Variants in NCKAP1 observed in about 807,000 individuals in gnomAD.
The protein encoded by NCKAP1 is nck-associated protein 1.
A neutral mutation model predicts 151.2 loss-of-function variants in NCKAP1; 21 were observed. The ratio of observed to expected loss-of-function variants is 0.14; its 90% CI spans 0.10 to 0.20. The LOEUF is 0.20. Ranked by LOEUF, NCKAP1 falls within the 10% of genes least tolerant of loss-of-function variation. The probability of loss-of-function intolerance (pLI) is 1.00; values close to 1 mark genes in which losing one functional copy is unlikely to be tolerated. For missense variants in NCKAP1, 933 were observed against 1,352.1 expected (o/e 0.69, Z 4.86); for synonymous variants, 484 against 451.8 (o/e 1.07, Z -0.90).
chr2:182,973,575 C>T (rs1697743590), intron 15 of NCKAP1, among the ~76,000 whole-genome samples: 1 of 152,098 alleles, frequency 6.6e-6, no homozygotes, highest in Non-Finnish European at 1.5e-5. Flanking sequence ...CCAGTGAAGG[C>T]ACAAAGTACA....
At chr2:182,985,824 T>C (rs1350417142) in intron 10 of NCKAP1, among the ~76,000 whole-genome samples, 1 of 146,876 alleles carries the variant, frequency 6.8e-6, no homozygotes, top group Non-Finnish European at 1.5e-5. Flanking sequence ...AAAAAGTAAA[T>C]ATTATCTGTA....
chr2:183,006,940 C>T (rs1377163065), intron 2 of NCKAP1, among the ~76,000 whole-genome samples: 4 of 152,006 alleles, frequency 2.6e-5, no homozygotes, highest in Non-Finnish European at 2.9e-5. Context: ...GGTGTGATGT[C>T]GGCTCACTGC....
At chr2:182,967,167 T>A (rs753218858) in intron 16 of NCKAP1, 49 bp downstream of exon 16, 3 of 1,516,160 alleles carry the variant, frequency 2.0e-6, no homozygotes, top group Non-Finnish European at 1.8e-6. Context: ...GAAACATATA[T>A]CGCATACTAA....
chr2:182,936,721 A>G (rs551053912), intron 24 of NCKAP1, among the ~76,000 whole-genome samples: 2 of 152,320 alleles, frequency 1.3e-5, no homozygotes, highest in East Asian at 3.9e-4. Flanking sequence ...TCATGTTAAC[A>G]AAATGATATA....
chr2:182,982,722 A>G, intron 12 of NCKAP1, 99 bp downstream of exon 12: 2 of 755,000 alleles, frequency 2.6e-6, no homozygotes, highest in Non-Finnish European at 4.2e-6. Flanking sequence ...CAACTTAACA[A>G]TATTTTCAAC....
At chr2:183,013,090 GTAGCAATAC>G (rs1033594956) in intron 2 of NCKAP1, among the ~76,000 whole-genome samples, 2 of 152,002 alleles carry the variant, frequency 1.3e-5, no homozygotes, top group Non-Finnish European at 2.9e-5. Flanking sequence ...CCACAACTGA[GTAGCAATAC>G]TACTCAAACT....
At position 182,917,015 on chromosome 2, in the gene NCKAP1, T is replaced by C. The variant is rs1241119648; in HGVS notation, c.*8687A>G. 1.3e-5 allele frequency: 2 copies of C among 152,198 alleles called. No homozygotes were observed. Among genetic ancestry groups the C allele is most frequent in the African/African-American group, 4.8e-5 (2 of 41,452 alleles). The allele number at this position is 152,198 out of a possible 1,614,324, so 9.4% of individuals were successfully genotyped here. On this transcript the variant is annotated 3_prime_UTR_variant, in exon 31 of 31. Transcript: ENST00000361354. ...AACTCTTTGAAGGCAATTTTATAAG[T>C]GAAACCAAATAGCCTAATAATACTG...
At chr2:182,964,973 C>A (rs542109290) in intron 16 of NCKAP1, among the ~76,000 whole-genome samples, 165 bp from the exon 17 acceptor site, 23 of 152,076 alleles carry the variant, frequency 1.5e-4, no homozygotes, top group African/African-American at 4.1e-4. Flanking sequence ...CAATAATTAT[C>A]CCAGAGTAAT....
At chr2:182,984,893 T>C (rs999963086) in intron 10 of NCKAP1, among the ~76,000 whole-genome samples, 6 of 152,174 alleles carry the variant, frequency 3.9e-5, no homozygotes, top group African/African-American at 1.4e-4. Context: ...TTATATTTTA[T>C]TTAATAAACA....
At chr2:182,984,902 CAGA>C (rs1305871953) in intron 10 of NCKAP1, among the ~76,000 whole-genome samples, 2 of 151,974 alleles carry the variant, frequency 1.3e-5, no homozygotes, top group African/African-American at 2.4e-5. Context: ...ATTTAATAAA[CAGA>C]AGGAGGAAAA....
rs984252600 is a variant in NCKAP1 at position 182,984,423 on chromosome 2, G to GGGTGTGTGTGTGTGTGTGTGTGTGTGTGT, written c.1005-1042_1005-1041insACACACACACACACACACACACACACACC. On this transcript the variant is annotated intron_variant, in intron 10 of 30. Coordinates refer to ENST00000361354, the MANE Select transcript of NCKAP1 (RefSeq NM_013436.5). ...AAGAAAGTTTTAGAATTTAGATTGGGGTGTGTGTGTGTGTGTGTGTGTGTG... is the reference window on the plus strand; with the variant it reads ...AAGAAAGTTTTAGAATTTAGATTGGGGGTGTGTGTGTGTGTGTGTGTGTGTGTGTGTGTGTGTGTGTGTGTGTGTGTGTG... 6.4e-4 allele frequency among the ~76,000 whole-genome samples: 92 copies of GGGTGTGTGTGTGTGTGTGTGTGTGTGTGT among 144,394 alleles called. 1 individual carries two copies. The highest frequency in any genetic ancestry group is 1.2e-3 in the Non-Finnish European group (77 of 64,146). The allele number at this position is 144,394 out of a possible 152,430, so 94.7% of individuals were successfully genotyped here.
At chr2:182,943,724 T>C (rs931062145) in intron 23 of NCKAP1, among the ~76,000 whole-genome samples, 1 of 152,150 alleles carries the variant, frequency 6.6e-6, no homozygotes, top group African/African-American at 2.4e-5. Context: ...TAAGAGCAAT[T>C]ATAACCATTT....
rs926938026 is a variant in NCKAP1 at position 182,928,974 on chromosome 2, C to A, written c.2954-75G>T. ...TTAAGATTTGATAATCTAAACTAAA[C>A]AGATTTTTATTTTAAAAATGGTTTA... On this transcript the variant is annotated intron_variant, in intron 27 of 30. Coordinates refer to ENST00000361354, the MANE Select transcript of NCKAP1 (RefSeq NM_013436.5). 18 of 911,592 alleles carry A rather than the reference C, an allele frequency of 2.0e-5. No individual in the cohort carries two copies. The African/African-American group carries it at 2.1e-4, about 11-fold the overall frequency. 56.5% of individuals were successfully genotyped at this position (911,592 alleles called of 1,614,324 possible).
In NCKAP1 at chr2:182,909,505, AT is replaced by A. The variant is rs1345275696; in HGVS notation, c.*16196del. The A allele has an allele frequency of 5.3e-5, 8 of 152,208 alleles. No homozygotes were observed. The highest frequency in any genetic ancestry group is 7.4e-5 in the Non-Finnish European group (5 of 68,024). 9.4% of individuals were successfully genotyped at this position (152,208 alleles called of 1,614,324 possible). On this transcript the variant is annotated 3_prime_UTR_variant, in exon 31 of 31. Transcript: ENST00000361354. ...AGCATAATTAATGTCTTCAAGGTTC[AT>A]TCATATTGTCTCATGTGTCAAAATT... is the stretch of plus-strand genomic sequence containing the variant.
chr2:183,015,305 C>G (rs1698662474), intron 2 of NCKAP1, among the ~76,000 whole-genome samples: 1 of 152,102 alleles, frequency 6.6e-6, no homozygotes, highest in Non-Finnish European at 1.5e-5. Flanking sequence ...CATTCACACA[C>G]AAATTCTATA....
Position 182,990,191 on chromosome 2 carries a change from G to T in NCKAP1, c.791-1005C>A, listed in dbSNP as rs76769979. Among the ~76,000 whole-genome samples the T allele has an allele frequency of 8.4e-3, 1,279 of 151,780 alleles. 18 individuals carry two copies. The highest frequency in any genetic ancestry group is 0.029 in the African/African-American group (1,214 of 41,416). On this transcript the variant is annotated intron_variant, in intron 8 of 30. Transcript: ENST00000361354. ...TCCTGTGTAGTAGACAAGACAGGTG[G>T]TATTCTTTCTTTTTTTTTCTCTTTT...
chr2:182,950,150 G>A (rs1697185699), intron 23 of NCKAP1, among the ~76,000 whole-genome samples: 1 of 152,156 alleles, frequency 6.6e-6, no homozygotes, highest in Admixed American at 6.5e-5. Context: ...GGCCAGCCAT[G>A]CTAGAAAAGT....
At chr2:182,997,560 C>T (rs764439654) in intron 6 of NCKAP1, among the ~76,000 whole-genome samples, 1 of 152,162 alleles carries the variant, frequency 6.6e-6, no homozygotes, top group Non-Finnish European at 1.5e-5. Context: ...GAGAATTCCT[C>T]TTGGTATTGA....
chr2:182,971,068 T>C (rs1285071852), intron 15 of NCKAP1, among the ~76,000 whole-genome samples: 1 of 151,496 alleles, frequency 6.6e-6, no homozygotes, highest in Non-Finnish European at 1.5e-5. Context: ...GCTATAAACA[T>C]TGATGAAGGA....
Sources: allele counts gnomAD v4.1 joint callset (sites outside exome capture counted in the v4.1 genomes callset), GRCh38; gene constraint gnomAD v4.1.1; transcripts MANE v1.5; gene names NCBI Gene and HGNC (gene_info 2026-07-23, HGNC 2026-07-21).